The following BBX variants were observed in gnomAD, a reference collection of about 807,000 sequenced individuals.
BBX encodes HMG box transcription factor BBX.
BBX carries 30 observed loss-of-function variants against 100.2 expected under a neutral mutation model. The ratio of observed to expected loss-of-function variants is 0.30; its 90% confidence interval spans 0.22 to 0.41. The LOEUF is 0.41. Among genes scored for constraint, BBX ranks in the 10% least tolerant of loss-of-function variants. The pLI is 1.00. For missense variants in BBX, 1,023 were observed against 1,129.8 expected, an observed-to-expected ratio of 0.91 and a Z score of 1.35; for synonymous variants, 376 against 388.1, an observed-to-expected ratio of 0.97 and a Z score of 0.37.
chr3:107,796,885 T>G (rs959732591), intron 15 of BBX, among the ~76,000 whole-genome samples: 35 of 152,190 alleles, frequency 2.3e-4, no homozygotes, highest in African/African-American at 8.2e-4. Flanking sequence ...AGGAGTATGT[T>G]TTCTGACCTT....
intron 10 of BBX, among the ~76,000 whole-genome samples, chr3:107,767,815 C>G (rs1415882555): frequency 6.6e-6 from 1 of 152,068 alleles, no homozygotes; most frequent in Non-Finnish European, 1.5e-5. Context: ...GACTGCCTTT[C>G]CTTGGCTCCT....
chr3:107,575,304 C>T (rs890043625), intron 2 of BBX, among the ~76,000 whole-genome samples: 1 of 152,182 alleles, frequency 6.6e-6, no homozygotes, highest in Non-Finnish European at 1.5e-5. Context: ...TGAGCTATTA[C>T]TAAATTTAGA....
intron 10 of BBX, among the ~76,000 whole-genome samples, chr3:107,757,986 A>G (rs545056945): frequency 5.3e-5 from 8 of 152,104 alleles, no homozygotes; most frequent in Non-Finnish European, 1.2e-4. Context: ...TTATTATCCT[A>G]TCTACCACTC....
At chr3:107,626,729 A>G (rs944665549) in intron 2 of BBX, among the ~76,000 whole-genome samples, 1 of 148,730 alleles carries the variant, frequency 6.7e-6, no homozygotes, top group East Asian at 2.0e-4. Context: ...TTCTCAGCTC[A>G]CTGCAACCTC....
intron 2 of BBX, among the ~76,000 whole-genome samples, chr3:107,625,929 A>T (rs539996856): frequency 2.6e-5 from 4 of 152,176 alleles, no homozygotes; most frequent in Admixed American, 6.5e-5. Context: ...CATGGGGTAC[A>T]TAGTGATGTT....
At chr3:107,608,329 C>G (rs1301580860) in intron 2 of BBX, among the ~76,000 whole-genome samples, 1 of 152,118 alleles carries the variant, frequency 6.6e-6, no homozygotes, top group Non-Finnish European at 1.5e-5. Flanking sequence ...AGAGACTGTC[C>G]TTTCCCCAGT....
At chr3:107,607,646 A>T (rs531191703) in intron 2 of BBX, among the ~76,000 whole-genome samples, 1 of 152,200 alleles carries the variant, frequency 6.6e-6, no homozygotes, top group Non-Finnish European at 1.5e-5. Flanking sequence ...ACCGTTCTCC[A>T]TAGTGGTTGT....
At chr3:107,549,887 T>A (rs63032761) in intron 2 of BBX, among the ~76,000 whole-genome samples, 2 of 140,936 alleles carry the variant, frequency 1.4e-5, no homozygotes, top group Admixed American at 7.2e-5. Context: ...TTTTTTTTTT[T>A]AATACTGAAT....
chr3:107,617,526 T>C (rs1256882425), intron 2 of BBX, among the ~76,000 whole-genome samples: 8 of 152,178 alleles, frequency 5.3e-5, no homozygotes, highest in Non-Finnish European at 1.2e-4. Context: ...TCTCTTCAGT[T>C]ACTGAGATCT....
At position 107,733,168 on chromosome 3, in the gene BBX, T is replaced by C. The variant is rs1576551709; in HGVS notation, c.669+145T>C. 4.2e-6 allele frequency: 3 copies of C among 718,016 alleles called. No individual in the cohort carries two copies. The East Asian group carries it at 8.5e-5, about 20-fold the overall frequency. The allele number at this position is 718,016 out of a possible 1,614,324, so 44.5% of individuals were successfully genotyped here. A position where few individuals can be genotyped will look rare whatever the true frequency, so the allele number is the denominator to read the frequency against. On this transcript the variant is annotated intron_variant, in intron 7 of 17. Coordinates refer to ENST00000325805, the MANE Select transcript of BBX (RefSeq NM_001142568.3). ...AATCTTTCTCTTTAAGATCTTTCTG[T>C]GTGTCTTGTGTGTTGAGTGTAAAAA...
intron 3 of BBX, among the ~76,000 whole-genome samples, chr3:107,658,585 A>G (rs2058271151): frequency 6.6e-6 from 1 of 152,148 alleles, no homozygotes; most frequent in South Asian, 2.1e-4. Context: ...GTCTTAAGAA[A>G]CAGATACATA....
At chr3:107,742,865 T>G (rs146170398) in intron 7 of BBX, among the ~76,000 whole-genome samples, 5 of 152,212 alleles carry the variant, frequency 3.3e-5, no homozygotes, top group Admixed American at 2.0e-4. Flanking sequence ...ATTGAACTTT[T>G]AAACTTTCTG....
chr3:107,568,091 T>A (rs2051056624), intron 2 of BBX, among the ~76,000 whole-genome samples: 1 of 152,050 alleles, frequency 6.6e-6, no homozygotes, highest in Admixed American at 6.6e-5. Context: ...TATAATCTTT[T>A]GTTCTTTTCC....
At chr3:107,659,631 C>A in intron 3 of BBX, 3 of 818,426 alleles carry the variant, frequency 3.7e-6, no homozygotes, top group South Asian at 1.6e-5. Context: ...TAATAAGTGG[C>A]AAAGCTGGAA....
chr3:107,614,440 GGATGTCAAGT>G (rs1300466022), intron 2 of BBX, among the ~76,000 whole-genome samples: 2 of 149,054 alleles, frequency 1.3e-5, no homozygotes, highest in Non-Finnish European at 3.0e-5. Context: ...CAAAAAAAAT[GGATGTCAAGT>G]GACTATCCAG....
chr3:107,697,519 G>A (rs981712320), intron 3 of BBX, among the ~76,000 whole-genome samples: 26 of 152,000 alleles, frequency 1.7e-4, no homozygotes, highest in East Asian at 3.9e-4. Context: ...GGGGGTCAGG[G>A]GTCAGGGACC....
intron 2 of BBX, among the ~76,000 whole-genome samples, chr3:107,628,672 C>G (rs1270805350): frequency 1.3e-5 from 2 of 152,054 alleles, no homozygotes; most frequent in African/African-American, 4.8e-5. Context: ...TTGAACCAAA[C>G]ATAAAATAGG....
intron 3 of BBX, among the ~76,000 whole-genome samples, chr3:107,679,314 A>AT (rs2059452259): frequency 6.6e-6 from 1 of 152,114 alleles, no homozygotes; most frequent in African/African-American, 2.4e-5. Context: ...ATAATTTTTA[A>AT]TTTGTATGGA....
intron 8 of BBX, among the ~76,000 whole-genome samples, chr3:107,747,699 T>C (rs1196544169): frequency 7.2e-5 from 11 of 152,040 alleles, no homozygotes; most frequent in Non-Finnish European, 1.5e-4. Context: ...CAGGTCTCCT[T>C]AACTGCTGTT....
Sources: gnomAD v4.1 joint callset for allele counts (sites outside exome capture counted in the v4.1 genomes callset) on GRCh38, gnomAD v4.1.1 for gene constraint, MANE v1.5 for transcripts, NCBI Gene and HGNC (gene_info 2026-07-23, HGNC 2026-07-21) for gene names.